SLCO4C1: variants seen among roughly 807,000 people sequenced by gnomAD.
The protein encoded by SLCO4C1 is solute carrier organic anion transporter family member 4C1.
In SLCO4C1, 58 loss-of-function variants were observed where a neutral mutation model predicts 72.1. That is an observed-to-expected ratio of 0.80 (90% CI 0.65 to 1.00). SLCO4C1 has a LOEUF of 1.00. SLCO4C1 is among the 50% of genes least tolerant of loss of function. The pLI, the probability that SLCO4C1 is intolerant of heterozygous loss-of-function variation, is 0.00. For missense variants in SLCO4C1, 898 were observed against 857.9 expected (o/e 1.05, Z -0.58); for synonymous variants, 297 against 312.5 (o/e 0.95, Z 0.52).
intron 3 of SLCO4C1, among the ~76,000 whole-genome samples, chr5:102,269,942 CATTTGA>C (rs992756813): frequency 6.6e-6 from 1 of 151,750 alleles, no homozygotes; most frequent in African/African-American, 2.4e-5. Context: ...GTGTATTCTC[CATTTGA>C]ATACTCTGGC....
intron 3 of SLCO4C1, among the ~76,000 whole-genome samples, chr5:102,264,056 T>C (rs1748991272): frequency 6.6e-6 from 1 of 152,130 alleles, no homozygotes; most frequent in African/African-American, 2.4e-5. Flanking sequence ...GTAGAGGTAG[T>C]ATATCTACCA....
At position 102,247,290 on chromosome 5, in the gene SLCO4C1, G is replaced by A; in HGVS notation, c.1773C>T (p.Thr591=). 6 of 1,578,452 alleles carry A rather than the reference G, an allele frequency of 3.8e-6. No homozygotes were observed. The highest frequency in any genetic ancestry group is 5.2e-6 in the Non-Finnish European group (6 of 1,154,988). ...LCIFFIVIIF[T]FMAGTPITVS... is the part of the protein sequence containing the mutation. ...CAGTTATAGGAGTACCGGCCATAAAGGTAAAAATAATTACAATAAAGAAAA... is the reference window on the plus strand; with the variant it reads ...CAGTTATAGGAGTACCGGCCATAAAAGTAAAAATAATTACAATAAAGAAAA... Residue 591 remains threonine (T), a synonymous_variant, in exon 10 of 13, where the codon ACC becomes ACT. Transcript: ENST00000310954.
chr5:102,246,706 T>G (rs1388248438), intron 10 of SLCO4C1, among the ~76,000 whole-genome samples: 1 of 152,118 alleles, frequency 6.6e-6, no homozygotes, highest in East Asian at 1.9e-4. Flanking sequence ...TTAGGAAAGA[T>G]ATACAAAGAC....
chr5:102,278,413 C>A (rs1749289015), intron 2 of SLCO4C1, among the ~76,000 whole-genome samples: 1 of 152,094 alleles, frequency 6.6e-6, no homozygotes. Flanking sequence ...TTCAAAACCC[C>A]TCTCTGAGCA....
At chr5:102,269,716 T>C (rs191315190) in intron 3 of SLCO4C1, among the ~76,000 whole-genome samples, 3 of 152,268 alleles carry the variant, frequency 2.0e-5, no homozygotes, top group East Asian at 3.9e-4. Context: ...TCTGTTACTG[T>C]ATAATTATTG....
chr5:102,244,565 C>T (rs1748604410), intron 10 of SLCO4C1, among the ~76,000 whole-genome samples: 1 of 152,080 alleles, frequency 6.6e-6, no homozygotes, highest in Non-Finnish European at 1.5e-5. Context: ...GCAGATTTAA[C>T]CCAAAGAAGA....
Position 102,296,254 on chromosome 5 carries a change from GCTCTT to G in SLCO4C1, c.4_8del (p.Lys2ArgfsTer5). The G allele has an allele frequency of 6.5e-7, 1 of 1,538,450 alleles. No individual in the cohort carries two copies. The highest frequency in any genetic ancestry group is 1.3e-5 in the South Asian group (1 of 78,030). On this transcript the variant is annotated frameshift_variant, in exon 1 of 13. Coordinates refer to ENST00000310954, the MANE Select transcript of SLCO4C1 (RefSeq NM_180991.5). LOFTEE classifies it high-confidence loss of function. ...AAGCCAAGTTCTCAATACCTTTGGC[GCTCTT>G]CATGTCTGGATGGGTTCTCCCGACT...
At chr5:102,269,513 C>T (rs759668038) in intron 3 of SLCO4C1, among the ~76,000 whole-genome samples, 10 of 152,022 alleles carry the variant, frequency 6.6e-5, no homozygotes, top group Non-Finnish European at 4.4e-5. Context: ...TTTAATTCAT[C>T]AGTTGCATGA....
At position 102,293,222 on chromosome 5, in the gene SLCO4C1, G is replaced by A. The variant is rs563538285; in HGVS notation, c.356-1616C>T. On this transcript the variant is annotated intron_variant, in intron 1 of 12. Transcript: ENST00000310954. ...GTATCTTAGGATGACATTTTTATAC[G>A]TTATCTAATAATACAAAATTTTCCG... Among the ~76,000 whole-genome samples the A allele has an allele frequency of 2.2e-4, 34 of 151,934 alleles. 1 individual carries two copies. Among genetic ancestry groups the A allele is most frequent in the South Asian group, 4.1e-4 (2 of 4,824 alleles).
At chr5:102,262,660 C>T (rs922204367) in intron 4 of SLCO4C1, among the ~76,000 whole-genome samples, 2 of 151,986 alleles carry the variant, frequency 1.3e-5, no homozygotes, top group African/African-American at 2.4e-5. Context: ...ACTTTGATAT[C>T]CCAAAGTGCT....
chr5:102,270,635 G>T lies in SLCO4C1; in HGVS notation c.791C>A (p.Ser264Tyr). ...LDDSVPTHKS[S>Y]LYIGTGYAMS... is the part of the protein sequence containing the mutation. ...GAGAGTAAACTTACCTATATAGAGA[G>T]AAGACTTGTGTGTGGGCACAGAATC... The change falls in exon 3 of 13, where the codon TCT (serine) becomes TAT (tyrosine). Residue 264 changes from serine (S) to tyrosine (Y), a missense_variant. Transcript: ENST00000310954. 2 of 1,610,064 alleles carry T rather than the reference G, an allele frequency of 1.2e-6. No individual in the cohort carries two copies.
chr5:102,287,376 A>C (rs947507908), intron 2 of SLCO4C1, among the ~76,000 whole-genome samples: 1 of 152,112 alleles, frequency 6.6e-6, no homozygotes, highest in Non-Finnish European at 1.5e-5. Context: ...CATTCAATAT[A>C]GTTAATAACT....
At chr5:102,241,294 A>G (rs562850041) in intron 10 of SLCO4C1, among the ~76,000 whole-genome samples, 3 of 152,262 alleles carry the variant, frequency 2.0e-5, no homozygotes, top group Admixed American at 6.5e-5. Context: ...AAGGTATCCA[A>G]ATTGGGAAGT....
chr5:102,244,895 G>A (rs1466137698), intron 10 of SLCO4C1, among the ~76,000 whole-genome samples: 1 of 152,136 alleles, frequency 6.6e-6, no homozygotes, highest in African/African-American at 2.4e-5. Context: ...GCTAAAGGGT[G>A]TACTTCAATC....
intron 3 of SLCO4C1, among the ~76,000 whole-genome samples, chr5:102,268,013 G>A (rs1432019073): frequency 6.6e-6 from 1 of 151,930 alleles, no homozygotes; most frequent in African/African-American, 2.4e-5. Context: ...GCTTCATATG[G>A]TCTACCCTGG....
In SLCO4C1 at chr5:102,258,014, A is replaced by G. The variant is rs760521659; in HGVS notation, c.1202T>C (p.Phe401Ser). 1.2e-6 allele frequency: 2 copies of G among 1,609,420 alleles called. No individual in the cohort carries two copies. Among genetic ancestry groups the G allele is most frequent in the African/African-American group, 1.3e-5 (1 of 74,862 alleles). ...TATAAATTTAGGTAAAAATGTAGCA[A>G]ATCCAGTAGTAATTAAGGCTTCTGA... ...TSSEALITTG[F>S]ATFLPKFIEN... Residue 401 changes from phenylalanine to serine, a missense_variant, in exon 7 of 13, where the codon TTT (phenylalanine) becomes TCT (serine). Transcript: ENST00000310954.
At position 102,275,269 on chromosome 5, in the gene SLCO4C1, T is replaced by C. The variant is rs561857620; in HGVS notation, c.620-4463A>G. Among the ~76,000 whole-genome samples, 298 of 151,992 alleles carry C rather than the reference T, an allele frequency of 2.0e-3. 3 individuals carry two copies. Among genetic ancestry groups the C allele is most frequent in the African/African-American group, 6.9e-3 (287 of 41,472 alleles). On this transcript the variant is annotated intron_variant, in intron 2 of 12. Coordinates refer to ENST00000310954, the MANE Select transcript of SLCO4C1 (RefSeq NM_180991.5). Reference sequence around the variant, plus strand: ...CATGGGTAAACTGACTGAGAAAACATAGTTATGGGCATATAGAGTACAAAT... The same window carrying C: ...CATGGGTAAACTGACTGAGAAAACACAGTTATGGGCATATAGAGTACAAAT...
At chr5:102,277,025 A>AT (rs1340942275) in intron 2 of SLCO4C1, among the ~76,000 whole-genome samples, 2 of 152,016 alleles carry the variant, frequency 1.3e-5, no homozygotes, top group Non-Finnish European at 2.9e-5. Flanking sequence ...CCTGGGTTTT[A>AT]TTTTTGCTTA....
chr5:102,243,888 G>A (rs187526131), intron 10 of SLCO4C1, among the ~76,000 whole-genome samples: 1 of 152,096 alleles, frequency 6.6e-6, no homozygotes, highest in Non-Finnish European at 1.5e-5. Flanking sequence ...TTTACAAAAA[G>A]ACTGAAATAA....
Sources: gnomAD v4.1 joint callset for allele counts (sites outside exome capture counted in the v4.1 genomes callset) on GRCh38, gnomAD v4.1.1 for gene constraint, MANE v1.5 for transcripts, NCBI Gene and HGNC (gene_info 2026-07-23, HGNC 2026-07-21) for gene names.